Variants in AGAP1 observed in about 807,000 individuals in gnomAD.
The protein encoded by AGAP1 is ArfGAP with GTPase domain, ankyrin repeat and PH domain 1.
Under a neutral mutation model 105.3 loss-of-function variants are expected in AGAP1, and 29 were observed. That is an observed-to-expected ratio of 0.28 (90% confidence interval 0.21 to 0.38). The LOEUF is 0.38. Among genes scored for constraint, AGAP1 ranks in the 10% least tolerant of loss-of-function variants. The pLI is 1.00. For synonymous variants in AGAP1, 509 were observed against 485.9 expected, an observed-to-expected ratio of 1.05 and a Z score of -0.63; for missense variants, 998 against 1,165.1, an observed-to-expected ratio of 0.86 and a Z score of 2.09.
At chr2:235,907,413 C>G (rs2051359375) in intron 10 of AGAP1, among the ~76,000 whole-genome samples, 1 of 152,112 alleles carries the variant, frequency 6.6e-6, no homozygotes, top group Non-Finnish European at 1.5e-5. Context: ...GGATACCAGC[C>G]TGGGCAACCT....
intron 11 of AGAP1, among the ~76,000 whole-genome samples, chr2:235,912,249 A>T (rs998280758): frequency 1.3e-5 from 2 of 152,160 alleles, no homozygotes; most frequent in Admixed American, 6.5e-5. Context: ...GAGTTTTTAT[A>T]CTCTTTGAAA....
intron 12 of AGAP1, among the ~76,000 whole-genome samples, chr2:235,939,187 T>G (rs1314003137): frequency 1.3e-5 from 2 of 152,152 alleles, no homozygotes; most frequent in Non-Finnish European, 2.9e-5. Flanking sequence ...AGCGACTGTT[T>G]CCAGCCTTCT....
In AGAP1 at chr2:236,012,789, A is replaced by ATTC. The variant is rs1426427432; in HGVS notation, c.1646-23770_1646-23768dup. 2.6e-5 allele frequency among the ~76,000 whole-genome samples: 4 copies of ATTC among 151,226 alleles called. No individual in the cohort carries two copies. The highest frequency in any genetic ancestry group is 5.9e-5 in the Non-Finnish European group (4 of 67,928). ...AATTATTATTATTATTATTATTATT[A>ATTC]TTCTCTTGAGATGGAATCTCTCACT... On this transcript the variant is annotated intron_variant, in intron 13 of 17. Transcript: ENST00000304032. This position sits in a 1 kb window ranked among gnomAD's most constrained non-coding sequence, Gnocchi z 4.9.
rs1944977126 is a variant in AGAP1 at position 235,582,787 on chromosome 2, G to A, written c.163+87938G>A. ...GCAGGAGTTGGCACTTGAGTCCCAC[G>A]TCCTAGCCTCCCGGCATCACAGCCT... On this transcript the variant is annotated intron_variant, in intron 1 of 17. Transcript: ENST00000304032. This position sits in a 1 kb window ranked among gnomAD's most constrained non-coding sequence, Gnocchi z 4.7. Among the ~76,000 whole-genome samples the A allele has an allele frequency of 1.3e-5, 2 of 152,292 alleles. No homozygotes were observed. The highest frequency in any genetic ancestry group is 2.1e-4 in the South Asian group (1 of 4,826).
chr2:235,766,655 A>G (rs1382212448), intron 6 of AGAP1, among the ~76,000 whole-genome samples: 1 of 152,294 alleles, frequency 6.6e-6, no homozygotes, highest in African/African-American at 2.4e-5. Flanking sequence ...AAAGAATTCT[A>G]CATTCTGTGG....
rs1946125501 is a variant in AGAP1 at position 235,611,569 on chromosome 2, T to G, written c.164-97610T>G. ...CCCTGTGGTGCCCAGGCCTGCAGATTACAGACGCTGTGTAATTAGAGAATC... is the reference window on the plus strand; with the variant it reads ...CCCTGTGGTGCCCAGGCCTGCAGATGACAGACGCTGTGTAATTAGAGAATC... On this transcript the variant is annotated intron_variant, in intron 1 of 17. Transcript: ENST00000304032. This position sits in a 1 kb window ranked among gnomAD's most constrained non-coding sequence, Gnocchi z 5.0. Among the ~76,000 whole-genome samples, 1 of 152,166 alleles carries G rather than the reference T, an allele frequency of 6.6e-6. No homozygotes were observed. The highest frequency in any genetic ancestry group is 6.5e-5 in the Admixed American group (1 of 15,270).
chr2:236,083,482 C>T lies in AGAP1; in HGVS notation c.2114+34201C>T, dbSNP rs1341275510. Among the ~76,000 whole-genome samples, 1 of 152,084 alleles carries T rather than the reference C, an allele frequency of 6.6e-6. No individual in the cohort carries two copies. The highest frequency in any genetic ancestry group is 1.5e-5 in the Non-Finnish European group (1 of 68,012). On this transcript the variant is annotated intron_variant, in intron 16 of 17. Coordinates refer to ENST00000304032, the MANE Select transcript of AGAP1 (RefSeq NM_001037131.3). The surrounding 1 kb of genome is among the most constrained non-coding windows in gnomAD (Gnocchi z 5.3). ...TGGTGCCTAAATGCTGCAACTGATT[C>T]TTCTATTATTTTGAAGAGCCTGTTT... is the stretch of plus-strand genomic sequence containing the variant.
Position 235,720,609 on chromosome 2 carries a change from T to G in AGAP1, c.310+2965T>G. The G allele has an allele frequency of 1.0e-6, 1 of 959,014 alleles. No homozygotes were observed. Among genetic ancestry groups the G allele is most frequent in the Non-Finnish European group, 1.2e-6 (1 of 806,016 alleles). The allele number at this position is 959,014 out of a possible 1,614,324, so 59.4% of individuals were successfully genotyped here. A position where few individuals can be genotyped will look rare whatever the true frequency, so the allele number is the denominator to read the frequency against. On this transcript the variant is annotated intron_variant, in intron 3 of 17. Coordinates refer to ENST00000304032, the MANE Select transcript of AGAP1 (RefSeq NM_001037131.3). The surrounding 1 kb of genome is among the most constrained non-coding windows in gnomAD (Gnocchi z 5.0). ...CTAGAGCGATCAACTGGGCAGCTAC[T>G]TTGAATGAAAGGCATTTTGCTGTGT...
chr2:235,770,810 G>A (rs1038738153), intron 6 of AGAP1, among the ~76,000 whole-genome samples: 3 of 152,138 alleles, frequency 2.0e-5, no homozygotes, highest in African/African-American at 7.2e-5. Flanking sequence ...CCCCTGTACC[G>A]AGATGGTGTG....
Position 235,741,434 on chromosome 2 carries a change from C to CT in AGAP1, c.396+387dup, listed in dbSNP as rs1184455142. Among the ~76,000 whole-genome samples the CT allele has an allele frequency of 6.6e-6, 1 of 152,168 alleles. No individual in the cohort carries two copies. Among genetic ancestry groups the CT allele is most frequent in the Non-Finnish European group, 1.5e-5 (1 of 68,030 alleles). The stretch of plus-strand genomic sequence containing the variant: ...AGAGCAGTGAGAGTTAGAGAGCTTG[C>CT]TGGGTGCAATTGGGAGTCCCACCTT... On this transcript the variant is annotated intron_variant, in intron 4 of 17. Transcript: ENST00000304032. This position sits in a 1 kb window ranked among gnomAD's most constrained non-coding sequence, Gnocchi z 4.9.
rs1949413111 is a variant in AGAP1, at chr2:235,686,617, A to C, written c.164-22562A>C. On this transcript the variant is annotated intron_variant, in intron 1 of 17. Transcript: ENST00000304032. ...TGTGTGTATATATATACGTGGAGAT[A>C]TAGATATATATATATATATATATAT... 5.0e-5 allele frequency among the ~76,000 whole-genome samples: 2 copies of C among 40,392 alleles called. 1 individual carries two copies. The highest frequency in any genetic ancestry group is 2.7e-4 in the African/African-American group (2 of 7,426). The allele number at this position is 40,392 out of a possible 152,430, so 26.5% of individuals were successfully genotyped here. A position where few individuals can be genotyped will look rare whatever the true frequency, so the allele number is the denominator to read the frequency against.
chr2:235,925,327 T>TTC (rs1423902409), intron 11 of AGAP1, among the ~76,000 whole-genome samples: 1 of 152,150 alleles, frequency 6.6e-6, no homozygotes, highest in Non-Finnish European at 1.5e-5. Context: ...GCGCAGAGTT[T>TTC]TCCCACATCT....
Position 235,551,808 on chromosome 2 carries a change from C to T in AGAP1, c.163+56959C>T, listed in dbSNP as rs1313315666. ...CACCTTGACTGGTAGATCCTGAAGGCGTAGAAAGAGGGTCCTCTGGAGAAC... is the reference window on the plus strand; with the variant it reads ...CACCTTGACTGGTAGATCCTGAAGGTGTAGAAAGAGGGTCCTCTGGAGAAC... On this transcript the variant is annotated intron_variant, in intron 1 of 17. Transcript: ENST00000304032. This position sits in a 1 kb window ranked among gnomAD's most constrained non-coding sequence, Gnocchi z 4.8. Among the ~76,000 whole-genome samples the T allele has an allele frequency of 6.6e-5, 10 of 152,114 alleles. 1 individual carries two copies. Among genetic ancestry groups the T allele is most frequent in the Admixed American group, 2.6e-4 (4 of 15,278 alleles).
At position 235,931,991 on chromosome 2, in the gene AGAP1, C is replaced by T. The variant is rs1368612264; in HGVS notation, c.1483+1068C>T. 6.6e-6 allele frequency among the ~76,000 whole-genome samples: 1 copy of T among 152,158 alleles called. No homozygotes were observed. On this transcript the variant is annotated intron_variant, in intron 12 of 17. Coordinates refer to ENST00000304032, the MANE Select transcript of AGAP1 (RefSeq NM_001037131.3). This position sits in a 1 kb window ranked among gnomAD's most constrained non-coding sequence, Gnocchi z 5.6. Reference sequence around the variant, plus strand: ...TTGCTCCTTCCCTCAAAAGAAGGTGCTTTGTTAGATAGCAAAGATCTGCCT... The same window carrying T: ...TTGCTCCTTCCCTCAAAAGAAGGTGTTTTGTTAGATAGCAAAGATCTGCCT...
intron 10 of AGAP1, among the ~76,000 whole-genome samples, chr2:235,892,284 A>G (rs1385837469): frequency 6.6e-6 from 1 of 152,132 alleles, no homozygotes; most frequent in East Asian, 1.9e-4. Flanking sequence ...CTCCTTTAAA[A>G]TTGTTAAAGA....
At chr2:235,933,799 G>A (rs1390821567) in intron 12 of AGAP1, among the ~76,000 whole-genome samples, 1 of 152,130 alleles carries the variant, frequency 6.6e-6, no homozygotes, top group Non-Finnish European at 1.5e-5. Flanking sequence ...CCAAAGTGCT[G>A]GGATTACAGG....
In AGAP1 at chr2:235,889,760, T is replaced by G. The variant is rs1220368462; in HGVS notation, c.1155+6311T>G. On this transcript the variant is annotated intron_variant, in intron 10 of 17. Coordinates refer to ENST00000304032, the MANE Select transcript of AGAP1 (RefSeq NM_001037131.3). This position sits in a 1 kb window ranked among gnomAD's most constrained non-coding sequence, Gnocchi z 4.6. Reference sequence around the variant, plus strand: ...GGTCTGTTTCATGTTGTTGAAAACCTCAAACCTTTTTCTTAGGAGAGAACC... The same window carrying G: ...GGTCTGTTTCATGTTGTTGAAAACCGCAAACCTTTTTCTTAGGAGAGAACC... Among the ~76,000 whole-genome samples, 3 of 152,140 alleles carry G rather than the reference T, an allele frequency of 2.0e-5. No homozygotes were observed. The highest frequency in any genetic ancestry group is 4.8e-5 in the African/African-American group (2 of 41,440).
intron 1 of AGAP1, among the ~76,000 whole-genome samples, chr2:235,688,763 G>A (rs1392080675): frequency 6.6e-6 from 1 of 152,214 alleles, no homozygotes; most frequent in Non-Finnish European, 1.5e-5. Flanking sequence ...GAGCATTGGG[G>A]TGCTTTGGTG....
Position 235,844,674 on chromosome 2 carries a change from A to C in AGAP1, c.1050+37343A>C, listed in dbSNP as rs115842597. Among the ~76,000 whole-genome samples, 183 of 151,304 alleles carry C rather than the reference A, an allele frequency of 1.2e-3. 1 individual carries two copies. The highest frequency in any genetic ancestry group is 3.4e-3 in the Middle Eastern group (1 of 294). ...CCCTGTCCCAGCTTCTGTCTCATCCACTCCCAACACCCAAGTCCCTAGGCA... is the reference window on the plus strand; with the variant it reads ...CCCTGTCCCAGCTTCTGTCTCATCCCCTCCCAACACCCAAGTCCCTAGGCA... On this transcript the variant is annotated intron_variant, in intron 9 of 17. Coordinates refer to ENST00000304032, the MANE Select transcript of AGAP1 (RefSeq NM_001037131.3).
Sources: allele counts gnomAD v4.1 joint callset (sites outside exome capture counted in the v4.1 genomes callset), GRCh38; gene constraint gnomAD v4.1.1; non-coding constraint Gnocchi (gnomAD v3.1); transcripts MANE v1.5; gene names NCBI Gene and HGNC (gene_info 2026-07-23, HGNC 2026-07-21).